The following PATE4 variants were observed in gnomAD, a reference collection of about 807,000 sequenced individuals.
PATE4 encodes the protein prostate and testis expressed protein 4.
A neutral mutation model predicts 8.5 loss-of-function variants in PATE4; 13 were observed. The observed-to-expected ratio is 1.53, with a 90% confidence interval of 1.00 to 2.43. The LOEUF (loss-of-function observed/expected upper bound fraction) is 2.43, where lower values mean the gene tolerates loss of function less well. Among genes scored for constraint, PATE4 ranks in the 30% most tolerant of loss-of-function variants. The pLI is 0.00. For synonymous variants in PATE4, 47 were observed against 39.3 expected (o/e 1.20, Z -0.73); for missense variants, 127 against 115.5 (o/e 1.10, Z -0.46).
At chr11:125,835,414 A>C (rs1216969277) in intron 1 of PATE4, 1 of 152,202 alleles carries the variant, frequency 6.6e-6, no homozygotes, top group Non-Finnish European at 1.5e-5. Context: ...CCTGGATCTG[A>C]TCTGGGCCAT....
intron 1 of PATE4, chr11:125,834,911 C>T (rs1201766484): frequency 1.3e-5 from 2 of 152,120 alleles, no homozygotes; most frequent in Non-Finnish European, 2.9e-5. Flanking sequence ...TAAAAAGATA[C>T]ATGTGCATAT....
In PATE4 at chr11:125,838,444, G is replaced by T. The variant is rs1419320231; in HGVS notation, c.*17G>T. 2.0e-6 allele frequency: 3 copies of T among 1,533,478 alleles called. No homozygotes were observed. The highest frequency in any genetic ancestry group is 4.4e-5 in the Admixed American group (2 of 45,320). 95.0% of individuals were successfully genotyped at this position (1,533,478 alleles called of 1,614,324 possible). A position where few individuals can be genotyped will look rare whatever the true frequency, so the allele number is the denominator to read the frequency against. ...GTCTTCTAATGGAGCTTAGGAACTT[G>T]CAGAGGATCATCTGATCAAGATCCA... On this transcript the variant is annotated 3_prime_UTR_variant, in exon 3 of 3. Transcript: ENST00000457514.
In PATE4 at chr11:125,838,679, C is replaced by T. The variant is rs1943938226; in HGVS notation, c.*252C>T. On this transcript the variant is annotated 3_prime_UTR_variant, in exon 3 of 3. Coordinates refer to ENST00000457514, the MANE Select transcript of PATE4 (RefSeq NM_001144874.1). ...TTCTTTTGTCTTCTACTCCTGATTT[C>T]TGATTTCTATCCCTTGTAGGCTAAA... 5.1e-6 allele frequency: 2 copies of T among 389,102 alleles called. No homozygotes were observed. The highest frequency in any genetic ancestry group is 4.1e-5 in the African/African-American group (2 of 48,474). 24.1% of individuals were successfully genotyped at this position (389,102 alleles called of 1,614,324 possible). A position where few individuals can be genotyped will look rare whatever the true frequency, so the allele number is the denominator to read the frequency against.
At chr11:125,833,944 C>T (rs1027421142) in intron 1 of PATE4, among the ~76,000 whole-genome samples, 17 of 152,192 alleles carry the variant, frequency 1.1e-4, no homozygotes, top group African/African-American at 3.6e-4. Flanking sequence ...CATCAACAAA[C>T]ACCTCCTACA....
intron 1 of PATE4, 98 bp downstream of exon 1, chr11:125,833,515 C>A: frequency 1.8e-6 from 2 of 1,129,396 alleles, no homozygotes; most frequent in South Asian, 1.5e-5. Context: ...AGCTGAGACC[C>A]AAAGACTCAG....
At chr11:125,833,955 C>T (rs1228163146) in intron 1 of PATE4, among the ~76,000 whole-genome samples, 1 of 152,158 alleles carries the variant, frequency 6.6e-6, no homozygotes, top group Admixed American at 6.5e-5. Flanking sequence ...ACCTCCTACA[C>T]TTGGAAGTCA....
intron 1 of PATE4, among the ~76,000 whole-genome samples, chr11:125,837,006 T>C (rs1324609970): frequency 6.6e-6 from 1 of 152,210 alleles, no homozygotes; most frequent in Non-Finnish European, 1.5e-5. Context: ...GATGGAATAG[T>C]GAGAATGGAA....
chr11:125,835,965 T>G (rs1403205767), intron 1 of PATE4: 1 of 151,990 alleles, frequency 6.6e-6, no homozygotes, highest in East Asian at 1.9e-4. Flanking sequence ...CATACGTGTG[T>G]GTGGGTGGGT....
At position 125,837,714 on chromosome 11, in the gene PATE4, C is replaced by T. The variant is rs537769300; in HGVS notation, c.59-154C>T. ...CTTTTTTATCCACCTCCTAGCTTAA[C>T]TTACAAAGCTAAATTAATCAGGAAT... On this transcript the variant is annotated intron_variant, in intron 1 of 2. Coordinates refer to ENST00000457514, the MANE Select transcript of PATE4 (RefSeq NM_001144874.1). Among the ~76,000 whole-genome samples the T allele has an allele frequency of 1.9e-3, 296 of 152,324 alleles. 2 individuals carry two copies. Among genetic ancestry groups the T allele is most frequent in the African/African-American group, 6.9e-3 (285 of 41,568 alleles).
rs1366298668 is a variant in PATE4 at position 125,838,379 on chromosome 11, G to C, written c.249G>C (p.Leu83=). ...CREEESSKRG[L]LRVTLCCDRN... Reference sequence around the variant, plus strand: ...AAGAGGAGTCCTCCAAAAGAGGCCTGTTGAGAGTGACACTGTGCTGTGACA... The same window carrying C: ...AAGAGGAGTCCTCCAAAAGAGGCCTCTTGAGAGTGACACTGTGCTGTGACA... Residue 83 remains leucine (L), a synonymous_variant, in exon 3 of 3, where the codon CTG becomes CTC. Coordinates refer to ENST00000457514, the MANE Select transcript of PATE4 (RefSeq NM_001144874.1). The C allele has an allele frequency of 6.4e-7, 1 of 1,551,580 alleles. No individual in the cohort carries two copies. Among genetic ancestry groups the C allele is most frequent in the South Asian group, 1.2e-5 (1 of 84,046 alleles).
intron 1 of PATE4, 65 bp from the exon 2 acceptor site, chr11:125,837,803 C>T: frequency 8.4e-7 from 1 of 1,183,950 alleles, no homozygotes; most frequent in Non-Finnish European, 1.2e-6. Context: ...CTTACTGATG[C>T]TGAAAACTCA....
intron 1 of PATE4, among the ~76,000 whole-genome samples, chr11:125,837,501 C>T (rs1407598992): frequency 6.6e-6 from 1 of 152,202 alleles, no homozygotes; most frequent in Non-Finnish European, 1.5e-5. Context: ...CAGCTCAAGT[C>T]TTTAGCTAAA....
At position 125,838,488 on chromosome 11, in the gene PATE4, A is replaced by G. The variant is rs746892764; in HGVS notation, c.*61A>G. 10 of 1,486,794 alleles carry G rather than the reference A, an allele frequency of 6.7e-6. No individual in the cohort carries two copies. Among genetic ancestry groups the G allele is most frequent in the Non-Finnish European group, 8.0e-6 (9 of 1,120,582 alleles). The allele number at this position is 1,486,794 out of a possible 1,614,324, so 92.1% of individuals were successfully genotyped here. ...AGATCCAGAATCAAGACCAACCAACATGAACTGTTTTATTTCCCACACCAA... is the reference window on the plus strand; with the variant it reads ...AGATCCAGAATCAAGACCAACCAACGTGAACTGTTTTATTTCCCACACCAA... On this transcript the variant is annotated 3_prime_UTR_variant, in exon 3 of 3. Coordinates refer to ENST00000457514, the MANE Select transcript of PATE4 (RefSeq NM_001144874.1).
chr11:125,838,104 G>A (rs1943933343), intron 2 of PATE4, 120 bp downstream of exon 2: 1 of 998,408 alleles, frequency 1.0e-6, no homozygotes, highest in Non-Finnish European at 1.5e-6. Context: ...AGGAATAAAA[G>A]AGGGGGCAAG....
intron 1 of PATE4, among the ~76,000 whole-genome samples, chr11:125,836,123 CTTT>C (rs59732867): frequency 7.1e-6 from 1 of 140,690 alleles, no homozygotes; most frequent in Non-Finnish European, 1.5e-5. Context: ...GATGGCAAGA[CTTT>C]TTTTTTTTTT....
chr11:125,835,570 C>T (rs1164160292), intron 1 of PATE4: 2 of 152,302 alleles, frequency 1.3e-5, no homozygotes, highest in South Asian at 2.1e-4. Context: ...AAATACACCA[C>T]TCACGATACA....
intron 1 of PATE4, among the ~76,000 whole-genome samples, chr11:125,834,483 T>TA (rs1458710535): frequency 1.3e-5 from 2 of 152,216 alleles, no homozygotes; most frequent in African/African-American, 2.4e-5. Context: ...AGAACACTGA[T>TA]ACACCATTTT....
At position 125,838,353 on chromosome 11, in the gene PATE4, G is replaced by C; in HGVS notation, c.223G>C (p.Glu75Gln). ...ACATATGTGTAAGTATAAGTGCCGG[G>C]AAGAGGAGTCCTCCAAAAGAGGCCT... ...STHMCKYKCR[E>Q]EESSKRGLLR... Residue 75 changes from glutamate to glutamine, a missense_variant, in exon 3 of 3, where the codon GAA (glutamate) becomes CAA (glutamine). By Grantham distance (29) the Glu-to-Gln change is conservative. Coordinates refer to ENST00000457514, the MANE Select transcript of PATE4 (RefSeq NM_001144874.1). 6.4e-7 allele frequency: 1 copy of C among 1,551,388 alleles called. No homozygotes were observed. Among genetic ancestry groups the C allele is most frequent in the Non-Finnish European group, 8.7e-7 (1 of 1,146,840 alleles).
chr11:125,836,849 C>T (rs1251736630), intron 1 of PATE4, among the ~76,000 whole-genome samples: 2 of 152,120 alleles, frequency 1.3e-5, no homozygotes, highest in African/African-American at 4.8e-5. Context: ...TCATCCTTTC[C>T]CTCTAAATAA....
Sources: gnomAD v4.1 joint callset for allele counts (sites outside exome capture counted in the v4.1 genomes callset) on GRCh38, gnomAD v4.1.1 for gene constraint, MANE v1.5 for transcripts, NCBI Gene and HGNC (gene_info 2026-07-23, HGNC 2026-07-21) for gene names.